AUTS2: variants seen among roughly 807,000 people sequenced by gnomAD.
AUTS2 encodes the protein activator of transcription and developmental regulator AUTS2.
In AUTS2, 17 loss-of-function variants were observed where a neutral mutation model predicts 112.4. That is an observed-to-expected ratio of 0.15 (90% confidence interval 0.10 to 0.23). The LOEUF (loss-of-function observed/expected upper bound fraction) is 0.23, where lower values mean the gene tolerates loss of function less well. Ranked by LOEUF, AUTS2 falls within the 10% of genes least tolerant of loss-of-function variation. The pLI is 1.00. For synonymous variants in AUTS2, 751 were observed against 702.7 expected, an observed-to-expected ratio of 1.07 and a Z score of -1.09; for missense variants, 1,510 against 1,701.6, an observed-to-expected ratio of 0.89 and a Z score of 1.98.
chr7:70,035,845 A>C (rs1453149627), intron 2 of AUTS2, among the ~76,000 whole-genome samples: 1 of 152,154 alleles, frequency 6.6e-6, no homozygotes, highest in Non-Finnish European at 1.5e-5. Context: ...CCTTCTATTC[A>C]TCCTTTCATA....
At chr7:70,057,038 A>G (rs979777660) in intron 2 of AUTS2, among the ~76,000 whole-genome samples, 2 of 152,118 alleles carry the variant, frequency 1.3e-5, no homozygotes, top group African/African-American at 4.8e-5. Flanking sequence ...GCCTTTGCAC[A>G]TGCATGATTT....
chr7:69,611,117 T>C (rs960875064), intron 1 of AUTS2, among the ~76,000 whole-genome samples: 4 of 152,224 alleles, frequency 2.6e-5, no homozygotes, highest in Non-Finnish European at 5.9e-5. Context: ...CATAGTGACA[T>C]AAGGGTATTT....
intron 4 of AUTS2, among the ~76,000 whole-genome samples, chr7:70,302,507 T>A (rs1789264609): frequency 6.6e-6 from 1 of 152,162 alleles, no homozygotes; most frequent in South Asian, 2.1e-4. Context: ...TCCAAATGGA[T>A]ATACCAATTA....
chr7:70,194,355 A>T (rs1584863130), intron 4 of AUTS2, among the ~76,000 whole-genome samples: 1 of 152,180 alleles, frequency 6.6e-6, no homozygotes, highest in African/African-American at 2.4e-5. Context: ...GGTGGCAGTG[A>T]ACCGAGAGTG....
At chr7:70,147,798 C>A (rs1807210758) in intron 4 of AUTS2, among the ~76,000 whole-genome samples, 2 of 152,014 alleles carry the variant, frequency 1.3e-5, no homozygotes, top group Admixed American at 1.3e-4. Flanking sequence ...ACCCAAGAAT[C>A]ACGGAAAGGA....
At chr7:70,031,903 C>T (rs1800798819) in intron 2 of AUTS2, among the ~76,000 whole-genome samples, 1 of 152,118 alleles carries the variant, frequency 6.6e-6, no homozygotes, top group Admixed American at 6.6e-5. Flanking sequence ...TTCACCACTT[C>T]CACTACCACT....
At chr7:70,605,665 T>A (rs908632702) in intron 5 of AUTS2, among the ~76,000 whole-genome samples, 1 of 151,716 alleles carries the variant, frequency 6.6e-6, no homozygotes. Flanking sequence ...AATCAGTTTG[T>A]CTGAGGTCAT....
chr7:70,518,614 C>A (rs969484544), intron 5 of AUTS2, among the ~76,000 whole-genome samples: 2 of 151,188 alleles, frequency 1.3e-5, no homozygotes, highest in South Asian at 4.2e-4. Context: ...AACCAGGAGC[C>A]GGAGCTTGCA....
intron 5 of AUTS2, among the ~76,000 whole-genome samples, chr7:70,610,988 G>A (rs1804064080): frequency 6.6e-6 from 1 of 152,096 alleles, no homozygotes; most frequent in Non-Finnish European, 1.5e-5. Context: ...TTTTTAGTTT[G>A]ATGCAATCCT....
rs539046878 is a variant in AUTS2 at position 69,824,805 on chromosome 7, T to C, written c.310-74481T>C. The C allele has an allele frequency of 3.9e-5, 6 of 152,338 alleles. No individual in the cohort carries two copies. In the East Asian group the frequency reaches 9.6e-4, roughly 24 times the overall value. 9.4% of individuals were successfully genotyped at this position (152,338 alleles called of 1,614,324 possible). A position where few individuals can be genotyped will look rare whatever the true frequency, so the allele number is the denominator to read the frequency against. On this transcript the variant is annotated intron_variant, in intron 1 of 18. Coordinates refer to ENST00000342771, the MANE Select transcript of AUTS2 (RefSeq NM_015570.4). ...TGGTTTGGGGTAGTTACTGGTGAAA[T>C]TGAGCTTTGCAGCTGTCTACTTAAT...
At chr7:70,127,027 A>G (rs1806010731) in intron 3 of AUTS2, among the ~76,000 whole-genome samples, 1 of 152,114 alleles carries the variant, frequency 6.6e-6, no homozygotes, top group South Asian at 2.1e-4. Flanking sequence ...GGGTTTTACC[A>G]TGTTGGCCAG....
chr7:69,997,207 A>T (rs550639260), intron 2 of AUTS2, among the ~76,000 whole-genome samples: 4 of 152,336 alleles, frequency 2.6e-5, no homozygotes, highest in South Asian at 4.1e-4. Flanking sequence ...TTCAGATGAG[A>T]AATTATAGAG....
At position 70,789,994 on chromosome 7, in the gene AUTS2, G is replaced by C. The variant is rs904966143; in HGVS notation, c.2778G>C (p.Gly926=). The C allele has an allele frequency of 6.2e-7, 1 of 1,604,874 alleles. No individual in the cohort carries two copies. Among genetic ancestry groups the C allele is most frequent in the African/African-American group, 1.3e-5 (1 of 74,748 alleles). ...LPEKDGHGHE[G]RAAGEEAKQL... ...AGAAGGACGGGCACGGCCACGAGGGGCGCGCCGCGGGCGAAGAGGCCAAGC... is the reference window on the plus strand; with the variant it reads ...AGAAGGACGGGCACGGCCACGAGGGCCGCGCCGCGGGCGAAGAGGCCAAGC... Residue 926 remains glycine, a synonymous_variant, in exon 19 of 19, where the codon GGG becomes GGC. Transcript: ENST00000342771.
chr7:69,693,105 ACT>A (rs1797416985), intron 1 of AUTS2, among the ~76,000 whole-genome samples: 1 of 152,078 alleles, frequency 6.6e-6, no homozygotes, highest in Non-Finnish European at 1.5e-5. Flanking sequence ...ACAAATTTTG[ACT>A]CTGTCATTAA....
At chr7:70,472,214 C>T (rs553117681) in intron 5 of AUTS2, among the ~76,000 whole-genome samples, 2 of 152,212 alleles carry the variant, frequency 1.3e-5, no homozygotes, top group African/African-American at 4.8e-5. Flanking sequence ...CCACATCCCA[C>T]TGTACTCCCT....
chr7:70,644,262 G>A (rs1271531999), intron 5 of AUTS2, among the ~76,000 whole-genome samples: 1 of 152,186 alleles, frequency 6.6e-6, no homozygotes, highest in Non-Finnish European at 1.5e-5. Flanking sequence ...ACAATGGTTA[G>A]CATTTATAAA....
intron 5 of AUTS2, among the ~76,000 whole-genome samples, chr7:70,443,271 C>G (rs1796193406): frequency 6.6e-6 from 1 of 152,138 alleles, no homozygotes; most frequent in African/African-American, 2.4e-5. Context: ...TGTTCTATTG[C>G]TCGCAATAGG....
intron 2 of AUTS2, among the ~76,000 whole-genome samples, chr7:70,102,157 C>G (rs1238425345): frequency 7.5e-6 from 1 of 133,418 alleles, no homozygotes; most frequent in Non-Finnish European, 1.5e-5. Flanking sequence ...CTCGCACTTT[C>G]GCCCAGGCTG....
chr7:70,300,459 C>A (rs1482568255), intron 4 of AUTS2, among the ~76,000 whole-genome samples: 1 of 152,136 alleles, frequency 6.6e-6, no homozygotes, highest in Non-Finnish European at 1.5e-5. Context: ...GTGTGCCTAC[C>A]TGCAGGTTTT....
Sources: allele counts gnomAD v4.1 joint callset (sites outside exome capture counted in the v4.1 genomes callset), GRCh38; gene constraint gnomAD v4.1.1; transcripts MANE v1.5; gene names NCBI Gene and HGNC (gene_info 2026-07-23, HGNC 2026-07-21).